The following RRAS2 variants were observed in gnomAD, a reference collection of about 807,000 sequenced individuals.
RRAS2 encodes the protein RAS related 2, also known as ras-related protein R-Ras2.
RRAS2 carries 7 observed loss-of-function variants against 27.6 expected under a neutral mutation model. That is an observed-to-expected ratio of 0.25 (90% CI 0.14 to 0.48). The LOEUF is 0.48. Ranked by LOEUF, RRAS2 falls within the 20% of genes least tolerant of loss-of-function variation. The pLI, the probability that RRAS2 is intolerant of heterozygous loss-of-function variation, is 0.99. For missense variants in RRAS2, 178 were observed against 256.2 expected, an observed-to-expected ratio of 0.69 and a Z score of 2.08; for synonymous variants, 86 against 90.9, an observed-to-expected ratio of 0.95 and a Z score of 0.31.
Position 14,278,618 on chromosome 11 carries a change from C to G in RRAS2, c.*719G>C, listed in dbSNP as rs1442466779. On this transcript the variant is annotated 3_prime_UTR_variant, in exon 6 of 6. Transcript: ENST00000256196. Reference sequence around the variant, plus strand: ...GACAGAAGGAAATTATTCCTTTTTACCCTTAGCGTGGCTGTGAAAAAGAGT... The same window carrying G: ...GACAGAAGGAAATTATTCCTTTTTAGCCTTAGCGTGGCTGTGAAAAAGAGT... 2 of 152,142 alleles carry G rather than the reference C, an allele frequency of 1.3e-5. No individual in the cohort carries two copies. Among genetic ancestry groups the G allele is most frequent in the Non-Finnish European group, 1.5e-5 (1 of 68,024 alleles). 9.4% of individuals were successfully genotyped at this position (152,142 alleles called of 1,614,324 possible). A position where few individuals can be genotyped will look rare whatever the true frequency, so the allele number is the denominator to read the frequency against.
intron 4 of RRAS2, 55 bp downstream of exon 4, chr11:14,294,416 G>C: frequency 1.7e-6 from 2 of 1,149,856 alleles, no homozygotes; most frequent in South Asian, 2.9e-5. Context: ...AAATCTATCA[G>C]TTCACTCACA....
chr11:14,336,544 A>G (rs534984830), intron 1 of RRAS2, among the ~76,000 whole-genome samples: 1 of 152,340 alleles, frequency 6.6e-6, no homozygotes, highest in African/African-American at 2.4e-5. Context: ...ACACAGAAGT[A>G]CAAAGAAACA....
chr11:14,361,587 G>C (rs946748946), upstream of RRAS2, among the ~76,000 whole-genome samples: 4 of 152,200 alleles, frequency 2.6e-5, no homozygotes, highest in Admixed American at 6.5e-5. Flanking sequence ...AAATTAAAAA[G>C]ACAGGTAAGT....
chr11:14,303,492 T>C (rs560563056), intron 1 of RRAS2, among the ~76,000 whole-genome samples: 2 of 152,282 alleles, frequency 1.3e-5, no homozygotes, highest in African/African-American at 4.8e-5. Flanking sequence ...ATCCCAGCCC[T>C]TTGGGAGGCA....
At chr11:14,312,440 G>A (rs781789975) in intron 1 of RRAS2, among the ~76,000 whole-genome samples, 1 of 152,060 alleles carries the variant, frequency 6.6e-6, no homozygotes, top group Non-Finnish European at 1.5e-5. Flanking sequence ...GTTATTTTTA[G>A]AGACAATCTT....
At position 14,305,063 on chromosome 11, in the gene RRAS2, T is replaced by A. The variant is rs182410918; in HGVS notation, c.109-9208A>T. Among the ~76,000 whole-genome samples the A allele has an allele frequency of 5.4e-3, 816 of 152,346 alleles. 5 individuals carry two copies. Among genetic ancestry groups the A allele is most frequent in the Non-Finnish European group, 6.6e-3 (452 of 68,026 alleles). ...CACTAAATCCAGTAATCCTTTTAGT[T>A]CCTTTTTAACAAAATTTAGTGAGGT... On this transcript the variant is annotated intron_variant, in intron 1 of 5. Transcript: ENST00000256196.
At chr11:14,287,165 C>CT (rs1849681529) in intron 4 of RRAS2, among the ~76,000 whole-genome samples, 1 of 152,184 alleles carries the variant, frequency 6.6e-6, no homozygotes, top group Admixed American at 6.5e-5. Flanking sequence ...TGACAAGTCT[C>CT]TAACAATACC....
intron 1 of RRAS2, among the ~76,000 whole-genome samples, chr11:14,349,895 C>G (rs576433632): frequency 6.6e-6 from 1 of 152,234 alleles, no homozygotes; most frequent in South Asian, 2.1e-4. Flanking sequence ...TTTTATTTGT[C>G]ATCAGTTGAT....
chr11:14,362,890 C>T (rs985273941), upstream of RRAS2, among the ~76,000 whole-genome samples: 1 of 152,190 alleles, frequency 6.6e-6, no homozygotes, highest in Non-Finnish European at 1.5e-5. Context: ...CTGTTGACTG[C>T]ATCATTTTGA....
chr11:14,361,274 G>A (rs946717652), upstream of RRAS2, among the ~76,000 whole-genome samples: 4 of 151,344 alleles, frequency 2.6e-5, no homozygotes, highest in East Asian at 2.0e-4. Flanking sequence ...CTGCACTCCC[G>A]CCTGGGCGAC....
intron 1 of RRAS2, among the ~76,000 whole-genome samples, chr11:14,331,177 C>G (rs1329130802): frequency 6.6e-6 from 1 of 152,178 alleles, no homozygotes; most frequent in Non-Finnish European, 1.5e-5. Context: ...CAAATATATT[C>G]TTGGTCACAA....
chr11:14,322,607 A>C (rs1554950441), intron 1 of RRAS2, among the ~76,000 whole-genome samples: 1 of 152,230 alleles, frequency 6.6e-6, no homozygotes, highest in East Asian at 1.9e-4. Context: ...AGAAAACCTT[A>C]ATCATCCAAC....
upstream of RRAS2, among the ~76,000 whole-genome samples, chr11:14,362,154 T>C (rs144912400): frequency 1.2e-4 from 18 of 152,340 alleles, no homozygotes; most frequent in East Asian, 3.5e-3. Context: ...GTGGTGTTGA[T>C]TGCACAACTC....
intron 1 of RRAS2, among the ~76,000 whole-genome samples, chr11:14,319,068 G>C (rs1210335480): frequency 3.3e-5 from 5 of 152,200 alleles, no homozygotes; most frequent in African/African-American, 9.7e-5. Context: ...GCATGGAGCA[G>C]AAATTGATTC....
intron 1 of RRAS2, among the ~76,000 whole-genome samples, chr11:14,338,136 T>G (rs1848624309): frequency 6.6e-6 from 1 of 152,172 alleles, no homozygotes; most frequent in East Asian, 1.9e-4. Flanking sequence ...TTATTCAAAC[T>G]GGCAAAATGA....
At chr11:14,341,544 T>C (rs1297826121) in intron 1 of RRAS2, among the ~76,000 whole-genome samples, 1 of 152,094 alleles carries the variant, frequency 6.6e-6, no homozygotes, top group African/African-American at 2.4e-5. Context: ...AATTTCTTAC[T>C]GTAATAAGAA....
chr11:14,364,130 G>A (rs1714687048), upstream of RRAS2, among the ~76,000 whole-genome samples: 1 of 152,092 alleles, frequency 6.6e-6, no homozygotes, highest in South Asian at 2.1e-4. Flanking sequence ...CTTAGAGGAG[G>A]GTGCTCATCC....
chr11:14,286,907 A>G (rs1292930078), intron 4 of RRAS2, among the ~76,000 whole-genome samples: 2 of 152,232 alleles, frequency 1.3e-5, no homozygotes, highest in African/African-American at 2.4e-5. Context: ...CAGAACCACC[A>G]ATTTTAGACA....
intron 1 of RRAS2, among the ~76,000 whole-genome samples, chr11:14,345,314 G>A (rs1470584395): frequency 6.6e-6 from 1 of 152,016 alleles, no homozygotes; most frequent in Non-Finnish European, 1.5e-5. Flanking sequence ...CTAGCAAATA[G>A]CAACAAATAT....
Sources: allele counts gnomAD v4.1 joint callset (sites outside exome capture counted in the v4.1 genomes callset), GRCh38; gene constraint gnomAD v4.1.1; transcripts MANE v1.5; gene names NCBI Gene and HGNC (gene_info 2026-07-23, HGNC 2026-07-21).